The following GKAP1 variants were observed in gnomAD, a reference collection of about 807,000 sequenced individuals.
The protein encoded by GKAP1 is G kinase anchoring protein 1.
In GKAP1, 31 loss-of-function variants were observed where a neutral mutation model predicts 56.7. That is an observed-to-expected ratio of 0.55 (90% CI 0.41 to 0.74). The LOEUF is 0.74. Ranked by LOEUF, GKAP1 falls within the 30% of genes least tolerant of loss-of-function variation. The pLI is 0.00. For missense variants in GKAP1, 364 were observed against 402.3 expected (o/e 0.90, Z 0.82); for synonymous variants, 151 against 138.6 (o/e 1.09, Z -0.63).
chr9:83,780,299 C>G (rs1038890123), intron 7 of GKAP1, 83 bp downstream of exon 7: 3 of 820,478 alleles, frequency 3.7e-6, no homozygotes, highest in Non-Finnish European at 5.9e-6. Context: ...GATTATGTCT[C>G]AAAAAAGACT....
At chr9:83,739,899 A>C (rs1480194202) in intron 12 of GKAP1, among the ~76,000 whole-genome samples, 155 bp from the exon 13 acceptor site, 1 of 152,134 alleles carries the variant, frequency 6.6e-6, no homozygotes, top group Non-Finnish European at 1.5e-5. Flanking sequence ...ATACTGTTAC[A>C]TTATTTTAAT....
At position 83,780,450 on chromosome 9, in the gene GKAP1, T is replaced by G. The variant is rs1943951500; in HGVS notation, c.563-46A>C. ...AAGATGAAACTTTATTGAAGGAATT[T>G]AACATACAAAAATGTAAAAAAAAAA... is the stretch of plus-strand genomic sequence containing the variant. On this transcript the variant is annotated intron_variant, in intron 6 of 12. Coordinates refer to ENST00000376371, the MANE Select transcript of GKAP1 (RefSeq NM_025211.4). The G allele has an allele frequency of 1.5e-5, 6 of 401,098 alleles. No homozygotes were observed. The East Asian group carries it at 4.4e-4, about 29-fold the overall frequency. The allele number at this position is 401,098 out of a possible 1,614,324, so 24.8% of individuals were successfully genotyped here.
chr9:83,790,657 C>CA (rs2131301308), intron 4 of GKAP1, among the ~76,000 whole-genome samples: 1 of 151,236 alleles, frequency 6.6e-6, no homozygotes, highest in African/African-American at 2.4e-5. Flanking sequence ...AACAAACAAA[C>CA]AAAAAAACAG....
chr9:83,778,960 G>A (rs1361492837), intron 7 of GKAP1, among the ~76,000 whole-genome samples: 1 of 151,926 alleles, frequency 6.6e-6, no homozygotes, highest in Non-Finnish European at 1.5e-5. Context: ...ATATTAAATA[G>A]GTAGGATCTT....
chr9:83,788,593 G>A lies in GKAP1; in HGVS notation c.438+8C>T, dbSNP rs779185405. On this transcript the variant is annotated splice_region_variant and intron_variant, in intron 5 of 12. Coordinates refer to ENST00000376371, the MANE Select transcript of GKAP1 (RefSeq NM_025211.4). ...CTAAAATATCTAAATCAGTAAGTATGTAAATACCTTTTTGTGCTCTTCATA... is the reference window on the plus strand; with the variant it reads ...CTAAAATATCTAAATCAGTAAGTATATAAATACCTTTTTGTGCTCTTCATA... 7 of 1,475,488 alleles carry A rather than the reference G, an allele frequency of 4.7e-6. No homozygotes were observed. Among genetic ancestry groups the A allele is most frequent in the Non-Finnish European group, 4.7e-6 (5 of 1,066,512 alleles). The allele number at this position is 1,475,488 out of a possible 1,614,324, so 91.4% of individuals were successfully genotyped here.
At chr9:83,795,072 C>T (rs981766097) in intron 4 of GKAP1, among the ~76,000 whole-genome samples, 25 of 147,932 alleles carry the variant, frequency 1.7e-4, no homozygotes, top group African/African-American at 6.0e-4. Flanking sequence ...AGGAGAATCG[C>T]TTGAATCCGG....
At position 83,770,749 on chromosome 9, in the gene GKAP1, A is replaced by G. The variant is rs780117381; in HGVS notation, c.586-1779T>C. ...GGTAATTTAGTATTTTAGTAGAGAC[A>G]GGGTTTCACCATGTTGGCCAGGCTC... is the stretch of plus-strand genomic sequence containing the variant. On this transcript the variant is annotated intron_variant, in intron 7 of 12. Coordinates refer to ENST00000376371, the MANE Select transcript of GKAP1 (RefSeq NM_025211.4). Among the ~76,000 whole-genome samples the G allele has an allele frequency of 4.5e-4, 69 of 152,060 alleles. 1 individual carries two copies. Among genetic ancestry groups the G allele is most frequent in the Middle Eastern group, 3.2e-3 (1 of 316 alleles).
At chr9:83,809,560 G>A (rs976220151) in intron 2 of GKAP1, among the ~76,000 whole-genome samples, 2 of 152,240 alleles carry the variant, frequency 1.3e-5, no homozygotes, top group Non-Finnish European at 2.9e-5. Context: ...AGTAGAATAA[G>A]CAGCAAGTCA....
chr9:83,774,758 G>A (rs1393347019), intron 7 of GKAP1, among the ~76,000 whole-genome samples: 6 of 117,004 alleles, frequency 5.1e-5, no homozygotes, highest in African/African-American at 2.0e-4. Flanking sequence ...TTGCCAGGTT[G>A]GAGTGCAGCA....
chr9:83,775,232 C>T (rs1295865599), intron 7 of GKAP1, among the ~76,000 whole-genome samples: 1 of 152,022 alleles, frequency 6.6e-6, no homozygotes, highest in Non-Finnish European at 1.5e-5. Context: ...GTCTGGATCT[C>T]CTGGCCTCAA....
At chr9:83,806,261 C>A in intron 3 of GKAP1, 41 bp downstream of exon 3, 2 of 1,291,098 alleles carry the variant, frequency 1.5e-6, no homozygotes, top group Non-Finnish European at 2.2e-6. Context: ...AGGATGATTA[C>A]CATCTACTGG....
chr9:83,796,099 T>A lies in GKAP1; in HGVS notation c.360+3086A>T, dbSNP rs565362096. 2.6e-5 allele frequency among the ~76,000 whole-genome samples: 4 copies of A among 152,314 alleles called. No individual in the cohort carries two copies. In the South Asian group the frequency reaches 8.3e-4, roughly 32 times the overall value. ...TCAAGCTTAGATTTTATCAAAATAA[T>A]CTTTTTTCTTTTTTTAGAGCTAGGG... On this transcript the variant is annotated intron_variant, in intron 4 of 12. Transcript: ENST00000376371.
intron 4 of GKAP1, among the ~76,000 whole-genome samples, chr9:83,790,870 G>C (rs1944146348): frequency 6.6e-6 from 1 of 152,016 alleles, no homozygotes; most frequent in African/African-American, 2.4e-5. Context: ...TCTGAACAAA[G>C]CTTTTCAATT....
At chr9:83,781,372 TAC>T (rs1432753440) in intron 6 of GKAP1, among the ~76,000 whole-genome samples, 3 of 152,120 alleles carry the variant, frequency 2.0e-5, no homozygotes, top group African/African-American at 7.2e-5. Context: ...CTAAATAAAG[TAC>T]AAATAGTGGG....
intron 8 of GKAP1, among the ~76,000 whole-genome samples, chr9:83,761,351 T>C (rs543069708): frequency 6.6e-6 from 1 of 152,102 alleles, no homozygotes; most frequent in Non-Finnish European, 1.5e-5. Flanking sequence ...CCTAGACACA[T>C]ACAACCTACC....
intron 3 of GKAP1, 138 bp from the exon 4 acceptor site, chr9:83,799,466 GTTA>G: frequency 1.7e-6 from 1 of 598,970 alleles, no homozygotes; most frequent in Non-Finnish European, 2.8e-6. Flanking sequence ...CACAGCTAAA[GTTA>G]TTATTTGTGT....
intron 5 of GKAP1, among the ~76,000 whole-genome samples, chr9:83,786,954 A>T (rs1341739610): frequency 6.6e-6 from 1 of 152,162 alleles, no homozygotes; most frequent in East Asian, 1.9e-4. Flanking sequence ...CTATTTGATA[A>T]ATTTTATCTC....
intron 2 of GKAP1, among the ~76,000 whole-genome samples, chr9:83,811,464 G>A (rs1050762126): frequency 1.3e-5 from 2 of 152,188 alleles, no homozygotes; most frequent in African/African-American, 4.8e-5. Context: ...TTTCTTGAAT[G>A]AATGAAAAGA....
intron 7 of GKAP1, among the ~76,000 whole-genome samples, chr9:83,770,598 C>G (rs148237539): frequency 6.6e-6 from 1 of 151,742 alleles, no homozygotes; most frequent in Non-Finnish European, 1.5e-5. Flanking sequence ...ACTCTTGTTG[C>G]CCAGGCGGAG....
Sources: gnomAD v4.1 joint callset for allele counts (sites outside exome capture counted in the v4.1 genomes callset) on GRCh38, gnomAD v4.1.1 for gene constraint, MANE v1.5 for transcripts, NCBI Gene and HGNC (gene_info 2026-07-23, HGNC 2026-07-21) for gene names.